Variants in IGF2R observed in about 807,000 individuals in gnomAD.
The protein encoded by IGF2R is insulin like growth factor 2 receptor.
IGF2R carries 91 observed loss-of-function variants against 270.6 expected under a neutral mutation model. The observed-to-expected ratio is 0.34, with a 90% CI of 0.28 to 0.40. IGF2R has a LOEUF of 0.40. Ranked by LOEUF, IGF2R falls within the 10% of genes least tolerant of loss-of-function variation. The pLI is 1.00. For missense variants in IGF2R, 2,805 were observed against 3,188.3 expected (o/e 0.88, Z 2.90); for synonymous variants, 1,316 against 1,258.9 (o/e 1.05, Z -0.96).
intron 20 of IGF2R, 26 bp from the exon 21 acceptor site, chr6:160,057,997 C>T (rs1778350116): frequency 1.3e-6 from 2 of 1,505,032 alleles, no homozygotes; most frequent in African/African-American, 2.7e-5. Flanking sequence ...GAATGCGCCC[C>T]TTTTTCCCCA....
At position 160,111,163 on chromosome 6, in the gene IGF2R, A is replaced by G. The variant is rs764550033; in HGVS notation, c.*6079A>G. 4.6e-5 allele frequency: 7 copies of G among 152,190 alleles called. No homozygotes were observed. Among genetic ancestry groups the G allele is most frequent in the Non-Finnish European group, 8.8e-5 (6 of 68,030 alleles). The allele number at this position is 152,190 out of a possible 1,614,324, so 9.4% of individuals were successfully genotyped here. On this transcript the variant is annotated 3_prime_UTR_variant, in exon 48 of 48. Transcript: ENST00000356956. Reference sequence around the variant, plus strand: ...GTAATGATAAGTATCTCAAAACATCATGTTGTACAACATAAGTATACAATT... The same window carrying G: ...GTAATGATAAGTATCTCAAAACATCGTGTTGTACAACATAAGTATACAATT...
intron 44 of IGF2R, among the ~76,000 whole-genome samples, chr6:160,091,053 G>A (rs1472741932): frequency 6.9e-6 from 1 of 145,470 alleles, no homozygotes; most frequent in Non-Finnish European, 1.5e-5. Flanking sequence ...GAAGGAGCGG[G>A]TGCTCTGTGC....
intron 19 of IGF2R, 100 bp from the exon 20 acceptor site, chr6:160,056,324 A>G: frequency 1.3e-6 from 1 of 779,866 alleles, no homozygotes; most frequent in South Asian, 1.4e-5. Context: ...ATAAACATCT[A>G]GCAGATTTTG....
At chr6:160,083,153 A>G (rs1433010536) in intron 39 of IGF2R, among the ~76,000 whole-genome samples, 1 of 152,210 alleles carries the variant, frequency 6.6e-6, no homozygotes, top group East Asian at 1.9e-4. Flanking sequence ...GGTGATGATA[A>G]GGAGAAGGTC....
At chr6:160,093,837 A>G in intron 44 of IGF2R, 1 of 731,156 alleles carries the variant, frequency 1.4e-6, no homozygotes, top group Non-Finnish European at 2.6e-6. Flanking sequence ...ATGATGGTCC[A>G]AATAAATATC....
At position 160,084,103 on chromosome 6, in the gene IGF2R, TCGTCCAGAAACACAAAACCTA is replaced by T; in HGVS notation, c.5990_6010del (p.Val1997_Tyr2003del). ...CCTCCAAAGAAGTTGGAGTGCAAATTCGTCCAGAAACACAAAACCTACGACCTGCGGCTGCTCTCCTCTCTC... is the reference window on the plus strand; with the variant it reads ...CCTCCAAAGAAGTTGGAGTGCAAATTCGACCTGCGGCTGCTCTCCTCTCTC... On this transcript the variant is annotated inframe_deletion, in exon 40 of 48. Coordinates refer to ENST00000356956, the MANE Select transcript of IGF2R (RefSeq NM_000876.4). The surrounding 1 kb of genome is among the most constrained non-coding windows in gnomAD (Gnocchi z 4.6). 1 of 1,614,148 alleles carries T rather than the reference TCGTCCAGAAACACAAAACCTA, an allele frequency of 6.2e-7. No individual in the cohort carries two copies. Among genetic ancestry groups the T allele is most frequent in the Non-Finnish European group, 8.5e-7 (1 of 1,180,030 alleles).
intron 9 of IGF2R, 85 bp downstream of exon 9, chr6:160,033,192 A>C (rs1777737714): frequency 1.1e-6 from 1 of 924,762 alleles, no homozygotes; most frequent in Non-Finnish European, 1.7e-6. Flanking sequence ...GCTAGACTGC[A>C]GTGGTGCAAT....
At position 159,989,704 on chromosome 6, in the gene IGF2R, T is replaced by TA. The variant is rs567253657; in HGVS notation, c.150-1479dup. On this transcript the variant is annotated intron_variant, in intron 1 of 47. Coordinates refer to ENST00000356956, the MANE Select transcript of IGF2R (RefSeq NM_000876.4). ...GCCTTCGCCTCCCAAAGTGCTGGGATACAGGCACGAGCCACTGGCCAGGTC... is the reference window on the plus strand; with the variant it reads ...GCCTTCGCCTCCCAAAGTGCTGGGATAACAGGCACGAGCCACTGGCCAGGTC... Among the ~76,000 whole-genome samples, 16 of 152,340 alleles carry TA rather than the reference T, an allele frequency of 1.1e-4. No individual in the cohort carries two copies. In the South Asian group the frequency reaches 3.3e-3, roughly 32 times the overall value.
intron 31 of IGF2R, 99 bp from the exon 32 acceptor site, chr6:160,071,811 G>A (rs1346225950): frequency 1.4e-6 from 2 of 1,478,978 alleles, no homozygotes; most frequent in Non-Finnish European, 1.9e-6. Flanking sequence ...GTCACATGCT[G>A]TGGAGTTTTT....
intron 4 of IGF2R, among the ~76,000 whole-genome samples, chr6:160,018,191 A>G (rs960283904): frequency 2.0e-5 from 3 of 152,210 alleles, no homozygotes; most frequent in African/African-American, 7.2e-5. Flanking sequence ...AATGGAAATC[A>G]AAAGCAAGCA....
intron 27 of IGF2R, 120 bp from the exon 28 acceptor site, chr6:160,064,281 G>T: frequency 8.9e-7 from 1 of 1,127,908 alleles, no homozygotes; most frequent in Non-Finnish European, 1.4e-6. Flanking sequence ...GTATGGTGCT[G>T]GGAGGCCAGG....
chr6:160,062,011 T>C, intron 25 of IGF2R, 83 bp downstream of exon 25: 1 of 1,341,934 alleles, frequency 7.5e-7, no homozygotes, highest in South Asian at 1.3e-5. Flanking sequence ...TCTTCTATCT[T>C]GTTTAAAACT....
chr6:160,050,752 G>A lies in IGF2R; in HGVS notation c.2694+100G>A, dbSNP rs754245004. 31 of 1,076,174 alleles carry A rather than the reference G, an allele frequency of 2.9e-5. No homozygotes were observed. Among genetic ancestry groups the A allele is most frequent in the Non-Finnish European group, 3.8e-5 (29 of 755,750 alleles). 66.7% of individuals were successfully genotyped at this position (1,076,174 alleles called of 1,614,324 possible). Reference sequence around the variant, plus strand: ...CAGCAGCAGTCTTGGGGTGGGTGGCGGAGCTAGGCCAGTCTTAGTTCTGCT... The same window carrying A: ...CAGCAGCAGTCTTGGGGTGGGTGGCAGAGCTAGGCCAGTCTTAGTTCTGCT... On this transcript the variant is annotated intron_variant, in intron 19 of 47. Coordinates refer to ENST00000356956, the MANE Select transcript of IGF2R (RefSeq NM_000876.4). The surrounding 1 kb of genome is among the most constrained non-coding windows in gnomAD (Gnocchi z 4.0).
chr6:160,016,484 C>A (rs1583261625), intron 4 of IGF2R, among the ~76,000 whole-genome samples: 1 of 152,210 alleles, frequency 6.6e-6, no homozygotes, highest in African/African-American at 2.4e-5. Context: ...GTAGCCTCCT[C>A]GTTAACAAAA....
intron 19 of IGF2R, among the ~76,000 whole-genome samples, chr6:160,052,080 T>C (rs1435020361): frequency 6.6e-6 from 1 of 152,082 alleles, no homozygotes; most frequent in East Asian, 1.9e-4. Flanking sequence ...TGTGCACCTG[T>C]AGTCCTGGCT....
chr6:160,083,624 A>G lies in IGF2R; in HGVS notation c.5834-326A>G, dbSNP rs149964121. Among the ~76,000 whole-genome samples, 384 of 152,346 alleles carry G rather than the reference A, an allele frequency of 2.5e-3. 2 individuals carry two copies. Among genetic ancestry groups the G allele is most frequent in the Middle Eastern group, 6.8e-3 (2 of 294 alleles). On this transcript the variant is annotated intron_variant, in intron 39 of 47. Transcript: ENST00000356956. ...AGGTCCCTGCGGCCTTCCGCAGTGC[A>G]TTGTGCCCCTGGTTTATTGAGACTA... is the stretch of plus-strand genomic sequence containing the variant.
chr6:159,974,701 A>G (rs368466785), intron 1 of IGF2R, among the ~76,000 whole-genome samples: 12 of 152,034 alleles, frequency 7.9e-5, no homozygotes, highest in African/African-American at 2.7e-4. Flanking sequence ...TGCTAAGACT[A>G]TACTCTACCA....
rs371819582 is a variant in IGF2R, at chr6:160,046,455, C to A, written c.1904-43C>A. ...GGGGTGAGACCACTCTGTTAACTGT[C>A]GGACTGACCTTCCATACTTTTATTG... On this transcript the variant is annotated intron_variant, in intron 14 of 47. Transcript: ENST00000356956. 69 of 1,571,254 alleles carry A rather than the reference C, an allele frequency of 4.4e-5. No individual in the cohort carries two copies. The Middle Eastern group carries it at 1.1e-3, about 25-fold the overall frequency.
At chr6:160,003,432 C>T (rs1201736302) in intron 2 of IGF2R, 1 of 152,142 alleles carries the variant, frequency 6.6e-6, no homozygotes, top group Non-Finnish European at 1.5e-5. Context: ...TTTTGTGACT[C>T]AAACGGATAG....
Sources: gnomAD v4.1 joint callset for allele counts (sites outside exome capture counted in the v4.1 genomes callset) on GRCh38, gnomAD v4.1.1 for gene constraint, Gnocchi (gnomAD v3.1) non-coding constraint, MANE v1.5 for transcripts, NCBI Gene and HGNC (gene_info 2026-07-23, HGNC 2026-07-21) for gene names.